The following AGAP1 variants were observed in gnomAD, a reference collection of about 807,000 sequenced individuals.
The protein encoded by AGAP1 is arf-GAP with GTPase, ANK repeat and PH domain-containing protein 1.
A neutral mutation model predicts 105.3 loss-of-function variants in AGAP1; 29 were observed. That is an observed-to-expected ratio of 0.28 (90% CI 0.21 to 0.38). AGAP1 has a LOEUF of 0.38. AGAP1 is among the 10% of genes least tolerant of loss of function. The pLI, the probability that AGAP1 is intolerant of heterozygous loss-of-function variation, is 1.00. For missense variants in AGAP1, 998 were observed against 1,165.1 expected (o/e 0.86, Z 2.09); for synonymous variants, 509 against 485.9 (o/e 1.05, Z -0.63).
At chr2:235,760,543 T>G (rs1371904967) in intron 6 of AGAP1, among the ~76,000 whole-genome samples, 1 of 152,234 alleles carries the variant, frequency 6.6e-6, no homozygotes, top group Non-Finnish European at 1.5e-5. Context: ...ATCTTAGAAG[T>G]ATGAAATCAG....
rs562989575 is a variant in AGAP1, at chr2:236,104,679, A to G, written c.2115-15513A>G. Among the ~76,000 whole-genome samples the G allele has an allele frequency of 2.0e-5, 3 of 152,330 alleles. No individual in the cohort carries two copies. The South Asian group carries it at 6.2e-4, about 32-fold the overall frequency. ...GCCAAGGTGGGTGGATCACAAGGGCAGGAGGTCAAGTCTAGCCTGGCCAAC... is the reference window on the plus strand; with the variant it reads ...GCCAAGGTGGGTGGATCACAAGGGCGGGAGGTCAAGTCTAGCCTGGCCAAC... On this transcript the variant is annotated intron_variant, in intron 16 of 17. Transcript: ENST00000304032. This position sits in a 1 kb window ranked among gnomAD's most constrained non-coding sequence, Gnocchi z 4.7.
At chr2:235,681,787 T>G (rs1256281082) in intron 1 of AGAP1, among the ~76,000 whole-genome samples, 1 of 151,964 alleles carries the variant, frequency 6.6e-6, no homozygotes. Context: ...TTGGTGAAAT[T>G]TAACTGTTTT....
rs908450640 is a variant in AGAP1 at position 235,988,179 on chromosome 2, G to T, written c.1645+19556G>T. 6.6e-6 allele frequency among the ~76,000 whole-genome samples: 1 copy of T among 152,060 alleles called. No individual in the cohort carries two copies. Among genetic ancestry groups the T allele is most frequent in the Admixed American group, 6.6e-5 (1 of 15,258 alleles). ...TGCTTCAGCCTCCCGAGTAGATGGG[G>T]TTAAAGGTGCCCACCACCACGCCCA... On this transcript the variant is annotated intron_variant, in intron 13 of 17. Transcript: ENST00000304032. The surrounding 1 kb of genome is among the most constrained non-coding windows in gnomAD (Gnocchi z 4.7).
intron 5 of AGAP1, among the ~76,000 whole-genome samples, chr2:235,746,287 A>G: frequency 6.7e-6 from 1 of 149,676 alleles, no homozygotes. Flanking sequence ...CTCCATCTCA[A>G]GGGAAAAAAA....
At position 235,967,941 on chromosome 2, in the gene AGAP1, A is replaced by G. The variant is rs1212107272; in HGVS notation, c.1484-521A>G. 6.6e-6 allele frequency among the ~76,000 whole-genome samples: 1 copy of G among 152,238 alleles called. No individual in the cohort carries two copies. Among genetic ancestry groups the G allele is most frequent in the Admixed American group, 6.5e-5 (1 of 15,288 alleles). On this transcript the variant is annotated intron_variant, in intron 12 of 17. Transcript: ENST00000304032. The surrounding 1 kb of genome is among the most constrained non-coding windows in gnomAD (Gnocchi z 4.7). ...GGTGAGAGAGAGAAAAAAATGGCAT[A>G]GAATTTTTCACTGATAATAAAACAA...
chr2:235,532,448 C>T (rs1943075496), intron 1 of AGAP1, among the ~76,000 whole-genome samples: 1 of 152,164 alleles, frequency 6.6e-6, no homozygotes, highest in Admixed American at 6.5e-5. Context: ...TTAAGCGATC[C>T]TCCTGCCTCG....
At chr2:235,949,471 C>T (rs1263155453) in intron 12 of AGAP1, among the ~76,000 whole-genome samples, 1 of 152,168 alleles carries the variant, frequency 6.6e-6, no homozygotes, top group Non-Finnish European at 1.5e-5. Flanking sequence ...TATGCCACCT[C>T]TCCGCCTGTT....
intron 6 of AGAP1, among the ~76,000 whole-genome samples, chr2:235,779,893 G>A (rs1956152437): frequency 6.6e-6 from 1 of 152,228 alleles, no homozygotes; most frequent in African/African-American, 2.4e-5. Context: ...AAGGGCAGCA[G>A]CAGCAAAATC....
intron 12 of AGAP1, 134 bp from the exon 13 acceptor site, chr2:235,968,328 C>A: frequency 2.5e-6 from 3 of 1,205,732 alleles, no homozygotes; most frequent in Non-Finnish European, 3.4e-6. Context: ...CTCAGCAATA[C>A]AGTAATGGGA....
Position 236,036,855 on chromosome 2 carries a change from A to G in AGAP1, c.1800+140A>G, listed in dbSNP as rs2057398560. ...CTATTCTTTATGAGCAGAAAGCTCA[A>G]TAACTAAAACGATCAGAAGCACTTT... On this transcript the variant is annotated intron_variant, in intron 14 of 17. Coordinates refer to ENST00000304032, the MANE Select transcript of AGAP1 (RefSeq NM_001037131.3). The surrounding 1 kb of genome is among the most constrained non-coding windows in gnomAD (Gnocchi z 5.7). The G allele has an allele frequency of 1.9e-5, 25 of 1,334,666 alleles. No individual in the cohort carries two copies. Among genetic ancestry groups the G allele is most frequent in the East Asian group, 2.5e-5 (1 of 40,362 alleles). The allele number at this position is 1,334,666 out of a possible 1,614,324, so 82.7% of individuals were successfully genotyped here.
At position 236,127,657 on chromosome 2, in the gene AGAP1, G is replaced by GAT. The variant is rs1194764153; in HGVS notation, c.*3537_*3538dup. The GAT allele has an allele frequency of 6.6e-6, 1 of 152,232 alleles. No homozygotes were observed. The highest frequency in any genetic ancestry group is 1.9e-4 in the East Asian group (1 of 5,194). The allele number at this position is 152,232 out of a possible 1,614,324, so 9.4% of individuals were successfully genotyped here. Reference sequence around the variant, plus strand: ...GGTTCCGGCCTCGTCATCCAGTGTAGATACCAGTCTTCCTATTTTTGTGAC... The same window carrying GAT: ...GGTTCCGGCCTCGTCATCCAGTGTAGATATACCAGTCTTCCTATTTTTGTGAC... On this transcript the variant is annotated 3_prime_UTR_variant, in exon 18 of 18. Transcript: ENST00000304032. This position sits in a 1 kb window ranked among gnomAD's most constrained non-coding sequence, Gnocchi z 6.6.
In AGAP1 at chr2:236,051,119, G is replaced by T. The variant is rs2057882540; in HGVS notation, c.2114+1838G>T. On this transcript the variant is annotated intron_variant, in intron 16 of 17. Coordinates refer to ENST00000304032, the MANE Select transcript of AGAP1 (RefSeq NM_001037131.3). The surrounding 1 kb of genome is among the most constrained non-coding windows in gnomAD (Gnocchi z 5.9). ...CTGGCTTTCCTAAAGAGCAGGCCGA[G>T]TTGTAATTCCTCTCCAAGACTGTGG... Among the ~76,000 whole-genome samples, 3 of 152,218 alleles carry T rather than the reference G, an allele frequency of 2.0e-5. No individual in the cohort carries two copies. Among genetic ancestry groups the T allele is most frequent in the Non-Finnish European group, 4.4e-5 (3 of 68,024 alleles).
rs573646044 is a variant in AGAP1, at chr2:235,950,667, A to AC, written c.1484-17792dup. On this transcript the variant is annotated intron_variant, in intron 12 of 17. Coordinates refer to ENST00000304032, the MANE Select transcript of AGAP1 (RefSeq NM_001037131.3). ...CTGCTTCCTGCCGCATCCACCCCTGACCCTTCCAGCAGCCACAGGAGGTCA... is the reference window on the plus strand; with the variant it reads ...CTGCTTCCTGCCGCATCCACCCCTGACCCCTTCCAGCAGCCACAGGAGGTCA... Among the ~76,000 whole-genome samples, 29 of 151,766 alleles carry AC rather than the reference A, an allele frequency of 1.9e-4. 1 individual carries two copies. In the South Asian group the frequency reaches 4.4e-3, roughly 23 times the overall value.
At chr2:235,738,714 C>A (rs964180381) in intron 3 of AGAP1, among the ~76,000 whole-genome samples, 1 of 151,914 alleles carries the variant, frequency 6.6e-6, no homozygotes, top group African/African-American at 2.4e-5. Flanking sequence ...CCCACCACCA[C>A]ACCTGGCTAA....
At chr2:235,590,712 T>TGTGTGC (rs369129304) in intron 1 of AGAP1, among the ~76,000 whole-genome samples, 7,171 of 116,944 alleles carry the variant, frequency 0.061, 310 homozygotes, top group Middle Eastern at 0.091. Context: ...TGTGTGTGTG[T>TGTGTGC]GCATTTTTTT....
At chr2:235,914,841 A>G (rs2051794407) in intron 11 of AGAP1, among the ~76,000 whole-genome samples, 1 of 152,220 alleles carries the variant, frequency 6.6e-6, no homozygotes, top group African/African-American at 2.4e-5. Context: ...AGAGCTGGCC[A>G]GTGTTGTCCC....
chr2:235,814,196 C>T (rs1958321721), intron 9 of AGAP1, among the ~76,000 whole-genome samples: 1 of 152,252 alleles, frequency 6.6e-6, no homozygotes, highest in Non-Finnish European at 1.5e-5. Flanking sequence ...TCTGTGGGCA[C>T]AGGCCCAAGG....
At chr2:235,626,308 A>G (rs891024855) in intron 1 of AGAP1, among the ~76,000 whole-genome samples, 1 of 152,202 alleles carries the variant, frequency 6.6e-6, no homozygotes, top group Non-Finnish European at 1.5e-5. Flanking sequence ...CAGTGAGCCA[A>G]GATCACGCCA....
Position 235,906,293 on chromosome 2 carries a change from T to C in AGAP1, c.1156-2445T>C, listed in dbSNP as rs2125026438. On this transcript the variant is annotated intron_variant, in intron 10 of 17. Transcript: ENST00000304032. The surrounding 1 kb of genome is among the most constrained non-coding windows in gnomAD (Gnocchi z 5.3). Reference sequence around the variant, plus strand: ...GCCGGGGAATGCCCGGCCTTGCCCCTGCCTCTGAATTTGCCCCACTGTAGC... The same window carrying C: ...GCCGGGGAATGCCCGGCCTTGCCCCCGCCTCTGAATTTGCCCCACTGTAGC... Among the ~76,000 whole-genome samples the C allele has an allele frequency of 6.6e-6, 1 of 152,336 alleles. No individual in the cohort carries two copies. The highest frequency in any genetic ancestry group is 1.5e-5 in the Non-Finnish European group (1 of 68,022).
Sources: gnomAD v4.1 joint callset for allele counts (sites outside exome capture counted in the v4.1 genomes callset) on GRCh38, gnomAD v4.1.1 for gene constraint, Gnocchi (gnomAD v3.1) non-coding constraint, MANE v1.5 for transcripts, NCBI Gene and HGNC (gene_info 2026-07-23, HGNC 2026-07-21) for gene names.